ATP11C: variants seen among roughly 807,000 people sequenced by gnomAD.
ATP11C encodes phospholipid-transporting ATPase IG.
In ATP11C, 36 loss-of-function variants were observed where a neutral mutation model predicts 97.4. The observed-to-expected ratio is 0.37, with a 90% CI of 0.28 to 0.49. The LOEUF (loss-of-function observed/expected upper bound fraction) is 0.49, where lower values mean the gene tolerates loss of function less well. Among genes scored for constraint, ATP11C ranks in the 20% least tolerant of loss-of-function variants. The pLI, the probability that ATP11C is intolerant of heterozygous loss-of-function variation, is 0.98. For synonymous variants in ATP11C, 275 were observed against 290.9 expected (o/e 0.95, Z 0.56); for missense variants, 730 against 824.6 (o/e 0.89, Z 1.40).
At chrX:139,900,661 G>A (rs768673057) in intron 1 of ATP11C, among the ~76,000 whole-genome samples, 318 of 111,767 alleles carry the variant, frequency 2.8e-3, no homozygotes, top group Non-Finnish European at 5.1e-3. Context: ...TTTACATTCC[G>A]GGTAACATCT....
At position 139,765,468 on chromosome X, in the gene ATP11C, A is replaced by G. The variant is rs1376474448; in HGVS notation, c.2392-2050T>C. On this transcript the variant is annotated intron_variant, in intron 20 of 29. Coordinates refer to ENST00000682941, the MANE Select transcript of ATP11C (RefSeq NM_001353812.2). ...AATGTATGATATTGTCATCCATGTA[A>G]GAAGGCCTAGGATGTCAGAGAAGGG... Among the ~76,000 whole-genome samples, 5 of 112,131 alleles carry G rather than the reference A, an allele frequency of 4.5e-5. No homozygotes were observed. In the East Asian group the frequency reaches 1.4e-3, roughly 31 times the overall value.
intron 18 of ATP11C, among the ~76,000 whole-genome samples, chrX:139,782,053 G>A (rs1462224212): frequency 8.9e-6 from 1 of 112,031 alleles, no homozygotes; most frequent in Admixed American, 9.5e-5. Flanking sequence ...CTGGCTGGGT[G>A]TGGTGGCTCA....
At chrX:139,731,235 CA>C (rs764506628) in intron 29 of ATP11C, among the ~76,000 whole-genome samples, 20 of 111,866 alleles carry the variant, frequency 1.8e-4, no homozygotes, top group Non-Finnish European at 3.6e-4. Flanking sequence ...AGAGAACATG[CA>C]ATGCTAAATT....
chrX:139,772,191 C>T (rs1279411924), intron 19 of ATP11C, among the ~76,000 whole-genome samples: 2 of 112,565 alleles, frequency 1.8e-5, no homozygotes, highest in African/African-American at 3.2e-5. Flanking sequence ...AGGGTGGAAG[C>T]CCCAAGCCTT....
At chrX:139,886,116 TTATC>T (rs2084637025) in intron 1 of ATP11C, among the ~76,000 whole-genome samples, 1 of 111,342 alleles carries the variant, frequency 9.0e-6, no homozygotes, top group Non-Finnish European at 1.9e-5. Context: ...GAAAATGTAA[TTATC>T]TATCCAGAAA....
intron 25 of ATP11C, 60 bp downstream of exon 25, chrX:139,745,662 A>G: frequency 8.8e-7 from 1 of 1,140,901 alleles, no homozygotes; most frequent in Non-Finnish European, 1.2e-6. Flanking sequence ...TCCAGCACCT[A>G]TGGGAAAAAG....
chrX:139,790,996 C>T, intron 12 of ATP11C, among the ~76,000 whole-genome samples: 1 of 110,889 alleles, frequency 9.0e-6, no homozygotes. Context: ...GCAATTTATG[C>T]TTAAATAGTT....
chrX:139,842,132 C>T (rs761572892), intron 1 of ATP11C, among the ~76,000 whole-genome samples: 23 of 112,494 alleles, frequency 2.0e-4, no homozygotes, highest in African/African-American at 7.4e-4. Flanking sequence ...TCCAGGCTCA[C>T]GCCATTCTCC....
At chrX:139,917,134 T>C (rs1180927738) in intron 1 of ATP11C, among the ~76,000 whole-genome samples, 2 of 111,644 alleles carry the variant, frequency 1.8e-5, no homozygotes, top group East Asian at 5.6e-4. Context: ...TGGACCCTTA[T>C]CTTATACTAC....
chrX:139,788,017 T>C (rs1312470461), intron 14 of ATP11C, among the ~76,000 whole-genome samples, 175 bp downstream of exon 14: 1 of 112,527 alleles, frequency 8.9e-6, no homozygotes, highest in Non-Finnish European at 1.9e-5. Flanking sequence ...TTTTTAGTCT[T>C]AACTGGTTAG....
chrX:139,788,096 G>A (rs2082614390), intron 14 of ATP11C, 96 bp downstream of exon 14: 2 of 816,858 alleles, frequency 2.4e-6, no homozygotes, highest in Non-Finnish European at 3.5e-6. Flanking sequence ...GGAGATGTAT[G>A]TGCTAAGGTC....
chrX:139,929,990 C>T (rs780786557), intron 1 of ATP11C, among the ~76,000 whole-genome samples: 4 of 111,545 alleles, frequency 3.6e-5, no homozygotes, highest in African/African-American at 6.5e-5. Flanking sequence ...GGGCCTAGGG[C>T]TCAGACACAA....
chrX:139,878,781 G>A (rs2084517617), intron 1 of ATP11C, among the ~76,000 whole-genome samples: 1 of 110,132 alleles, frequency 9.1e-6, no homozygotes, highest in Non-Finnish European at 1.9e-5. Flanking sequence ...GCTTCAGAAA[G>A]GGAACAACAG....
intron 1 of ATP11C, among the ~76,000 whole-genome samples, chrX:139,860,227 T>C (rs1687952443): frequency 9.0e-6 from 1 of 111,650 alleles, no homozygotes; most frequent in Non-Finnish European, 1.9e-5. Context: ...GATATTTCTA[T>C]GTTGCTATAG....
At position 139,932,728 on chromosome X, in the gene ATP11C, G is replaced by A. The variant is rs1049000466; in HGVS notation, c.-686C>T. 2.6e-4 allele frequency: 29 copies of A among 112,439 alleles called. No homozygotes were observed. Among genetic ancestry groups the A allele is most frequent in the African/African-American group, 9.0e-4 (28 of 31,018 alleles). The allele number at this position is 112,439 out of a possible 1,213,427, so 9.3% of individuals were successfully genotyped here. On this transcript the variant is annotated 5_prime_UTR_variant, in exon 1 of 30. Transcript: ENST00000682941. ...GCCCCGCGCTCTGGTCCCGCACTCG[G>A]GCCAGGGAGCCTGGGTACAGCCAAC...
chrX:139,933,758 G>T (rs1016117755), upstream of ATP11C, among the ~76,000 whole-genome samples: 2 of 112,163 alleles, frequency 1.8e-5, no homozygotes, highest in African/African-American at 6.5e-5. Context: ...AGGCATAGGC[G>T]CTTCTCCTTT....
chrX:139,830,799 A>AC (rs2083631124), intron 1 of ATP11C, among the ~76,000 whole-genome samples: 1 of 111,801 alleles, frequency 8.9e-6, no homozygotes, highest in Non-Finnish European at 1.9e-5. Context: ...ATATTTTTGA[A>AC]CAGCATAGTG....
intron 1 of ATP11C, among the ~76,000 whole-genome samples, chrX:139,848,482 T>A (rs1321996390): frequency 1.9e-5 from 2 of 107,467 alleles, no homozygotes; most frequent in Non-Finnish European, 3.8e-5. Context: ...AGACCTCTAC[T>A]CTCTTTTTTG....
chrX:139,924,098 C>A (rs749421898), intron 1 of ATP11C: 1 of 378,319 alleles, frequency 2.6e-6, no homozygotes, highest in East Asian at 7.6e-5. Context: ...TGAATGGGAG[C>A]AGTAACAAAA....
Sources: allele counts gnomAD v4.1 joint callset (sites outside exome capture counted in the v4.1 genomes callset), GRCh38; gene constraint gnomAD v4.1.1; transcripts MANE v1.5; gene names NCBI Gene and HGNC (gene_info 2026-07-23, HGNC 2026-07-21).